Variants in ABCC1 observed in about 807,000 individuals in gnomAD.
ABCC1 encodes ATP binding cassette subfamily C member 1 (ABCC1 blood group).
ABCC1 carries 83 observed loss-of-function variants against 172.9 expected under a neutral mutation model. The ratio of observed to expected loss-of-function variants is 0.48; its 90% confidence interval spans 0.40 to 0.58. The LOEUF is 0.58. Ranked by LOEUF, ABCC1 falls within the 20% of genes least tolerant of loss-of-function variation. The pLI is 0.00. For missense variants in ABCC1, 1,817 were observed against 2,002.7 expected (o/e 0.91, Z 1.77); for synonymous variants, 937 against 825.2 (o/e 1.14, Z -2.32).
intron 20 of ABCC1, among the ~76,000 whole-genome samples, chr16:16,104,193 T>C (rs1426125137): frequency 6.6e-6 from 1 of 152,110 alleles, no homozygotes; most frequent in Non-Finnish European, 1.5e-5. Context: ...AGTGAAACAA[T>C]AAAGCTTCCA....
intron 1 of ABCC1, among the ~76,000 whole-genome samples, chr16:15,975,018 C>T (rs2046451611): frequency 6.6e-6 from 1 of 152,146 alleles, no homozygotes; most frequent in Admixed American, 6.5e-5. Context: ...AATGCCTGAC[C>T]TCAAGTGATC....
At chr16:16,084,333 C>T (rs1308367878) in intron 17 of ABCC1, among the ~76,000 whole-genome samples, 2 of 150,898 alleles carry the variant, frequency 1.3e-5, no homozygotes, top group Non-Finnish European at 2.9e-5. Flanking sequence ...TAACTCCTGA[C>T]CTCAAGTGAT....
At chr16:16,125,410 C>T (rs56294143) in intron 25 of ABCC1, among the ~76,000 whole-genome samples, 3,654 of 152,124 alleles carry the variant, frequency 0.024, 65 homozygotes, top group Middle Eastern at 0.044. Context: ...TGTTTCATAA[C>T]TCATAACCTT....
At chr16:16,126,698 T>C (rs17289179) in intron 26 of ABCC1, among the ~76,000 whole-genome samples, 3,432 of 152,320 alleles carry the variant, frequency 0.023, 65 homozygotes, top group Middle Eastern at 0.044. Context: ...TATGTATTTG[T>C]ATAGGGGACT....
At chr16:16,098,881 G>C in intron 19 of ABCC1, 1 of 1,352,156 alleles carries the variant, frequency 7.4e-7, no homozygotes, top group South Asian at 1.1e-5. Context: ...AGGCAGCACA[G>C]TGATGGACGA....
intron 6 of ABCC1, among the ~76,000 whole-genome samples, chr16:16,036,127 GTAAA>G (rs913707317): frequency 4.0e-5 from 6 of 150,942 alleles, no homozygotes; most frequent in African/African-American, 1.2e-4. Context: ...CTCTCTCCAA[GTAAA>G]TAAATGAATG....
intron 28 of ABCC1, among the ~76,000 whole-genome samples, chr16:16,134,831 G>A (rs1276673025): frequency 6.6e-6 from 1 of 151,956 alleles, no homozygotes; most frequent in Non-Finnish European, 1.5e-5. Context: ...TTGTGGAGAT[G>A]GGGTTCCACT....
chr16:15,966,736 G>C (rs2151518941), intron 1 of ABCC1, among the ~76,000 whole-genome samples: 1 of 148,664 alleles, frequency 6.7e-6, no homozygotes. Flanking sequence ...CTGCAGCCTT[G>C]AACTCCTGGC....
intron 8 of ABCC1, among the ~76,000 whole-genome samples, chr16:16,045,244 A>G (rs2049154556): frequency 6.6e-6 from 1 of 151,936 alleles, no homozygotes; most frequent in Non-Finnish European, 1.5e-5. Context: ...CTAAAAATAC[A>G]AAAATTAGCC....
chr16:16,088,164 GTAAA>G (rs1185128049), intron 18 of ABCC1, among the ~76,000 whole-genome samples: 1 of 151,488 alleles, frequency 6.6e-6, no homozygotes, highest in Non-Finnish European at 1.5e-5. Flanking sequence ...TGTATATAAA[GTAAA>G]TAAAGCTGGG....
chr16:15,970,366 A>T (rs2046338352), intron 1 of ABCC1, among the ~76,000 whole-genome samples: 1 of 152,196 alleles, frequency 6.6e-6, no homozygotes, highest in African/African-American at 2.4e-5. Context: ...ATTGGCTTGT[A>T]CCTAGTCATG....
chr16:16,126,929 AGGG>A (rs1221938685), intron 26 of ABCC1, among the ~76,000 whole-genome samples: 5 of 152,278 alleles, frequency 3.3e-5, no homozygotes, highest in Non-Finnish European at 5.9e-5. Flanking sequence ...ATGGAGAAAA[AGGG>A]AACCTGGGGA....
intron 19 of ABCC1, among the ~76,000 whole-genome samples, chr16:16,094,685 T>G (rs1389601568): frequency 1.3e-5 from 2 of 151,472 alleles, no homozygotes; most frequent in Non-Finnish European, 2.9e-5. Context: ...AGCTAATTTT[T>G]TTTGTATTTT....
In ABCC1 at chr16:16,098,823, G is replaced by T. The variant is rs757865682; in HGVS notation, c.2645-3804G>T. 4 of 1,344,896 alleles carry T rather than the reference G, an allele frequency of 3.0e-6. No homozygotes were observed. In the African/African-American group the frequency reaches 5.9e-5, roughly 20 times the overall value. 83.3% of individuals were successfully genotyped at this position (1,344,896 alleles called of 1,614,324 possible). ...TTTATTTAGATAGGGGCTTAGGGCG[G>T]GAGTTTCGCTTTGCTTCTTAACAAT... On this transcript the variant is annotated intron_variant, in intron 19 of 30. Transcript: ENST00000399410.
intron 17 of ABCC1, among the ~76,000 whole-genome samples, chr16:16,083,755 G>A (rs369801119): frequency 5.3e-5 from 8 of 151,222 alleles, no homozygotes; most frequent in South Asian, 2.1e-4. Context: ...GCTGGGGACC[G>A]GGGTGAGGGG....
chr16:16,103,897 T>TA (rs2051912373), intron 20 of ABCC1, among the ~76,000 whole-genome samples: 1 of 152,150 alleles, frequency 6.6e-6, no homozygotes, highest in Non-Finnish European at 1.5e-5. Context: ...TTACAGTTCT[T>TA]AAAGGTGGCA....
At chr16:16,123,115 G>T (rs1392347568) in intron 24 of ABCC1, among the ~76,000 whole-genome samples, 1 of 152,070 alleles carries the variant, frequency 6.6e-6, no homozygotes, top group Non-Finnish European at 1.5e-5. Flanking sequence ...CGTAAGTCTG[G>T]GTGGGCTAAC....
chr16:15,969,153 A>G (rs1221931059), intron 1 of ABCC1, among the ~76,000 whole-genome samples: 1 of 152,164 alleles, frequency 6.6e-6, no homozygotes, highest in Non-Finnish European at 1.5e-5. Flanking sequence ...GTAGAGAGCC[A>G]AGATGATGGC....
intron 15 of ABCC1, among the ~76,000 whole-genome samples, chr16:16,078,342 C>G (rs377249163): frequency 6.6e-6 from 1 of 152,146 alleles, no homozygotes; most frequent in African/African-American, 2.4e-5. Context: ...CATTGACAGC[C>G]GGTCTTACTG....
Sources: allele counts gnomAD v4.1 joint callset (sites outside exome capture counted in the v4.1 genomes callset), GRCh38; gene constraint gnomAD v4.1.1; transcripts MANE v1.5; gene names NCBI Gene and HGNC (gene_info 2026-07-23, HGNC 2026-07-21).